The following CFAP100 variants were observed in gnomAD, a reference collection of about 807,000 sequenced individuals.
The protein encoded by CFAP100 is cilia- and flagella-associated protein 100.
CFAP100 carries 70 observed loss-of-function variants against 81.5 expected under a neutral mutation model. The ratio of observed to expected loss-of-function variants is 0.86; its 90% CI spans 0.71 to 1.05. The LOEUF is 1.05. Ranked by LOEUF, CFAP100 falls within the 50% of genes least tolerant of loss-of-function variation. The pLI is 0.00. For missense variants in CFAP100, 811 were observed against 776.5 expected (o/e 1.04, Z -0.53); for synonymous variants, 341 against 314.8 (o/e 1.08, Z -0.88).
chr3:126,430,819 T>A (rs1933188942), intron 13 of CFAP100, among the ~76,000 whole-genome samples: 1 of 152,130 alleles, frequency 6.6e-6, no homozygotes, highest in Admixed American at 6.5e-5. Context: ...TTTCCTGATT[T>A]TGTTTAGTTG....
At chr3:126,411,690 G>T (rs1396854791) in intron 3 of CFAP100, among the ~76,000 whole-genome samples, 1 of 151,932 alleles carries the variant, frequency 6.6e-6, no homozygotes, top group Non-Finnish European at 1.5e-5. Flanking sequence ...GGTTTTGTTT[G>T]TGCACATACA....
At chr3:126,397,663 C>T in intron 2 of CFAP100, among the ~76,000 whole-genome samples, 1 of 152,166 alleles carries the variant, frequency 6.6e-6, no homozygotes, top group South Asian at 2.1e-4. Flanking sequence ...GCACCCAGGG[C>T]CAGGGGTCTC....
At chr3:126,407,286 T>C (rs1424295245) in intron 3 of CFAP100, 34 bp downstream of exon 3, 2 of 1,512,322 alleles carry the variant, frequency 1.3e-6, no homozygotes, top group Admixed American at 3.4e-5. Context: ...AAGTCCAAGT[T>C]GGCAGGAGGC....
At chr3:126,404,951 G>A (rs1439908877) in intron 2 of CFAP100, among the ~76,000 whole-genome samples, 1 of 152,168 alleles carries the variant, frequency 6.6e-6, no homozygotes, top group African/African-American at 2.4e-5. Flanking sequence ...TTACAGGCGT[G>A]AGCCACCACG....
intron 13 of CFAP100, among the ~76,000 whole-genome samples, chr3:126,432,204 G>A (rs569504541): frequency 4.0e-4 from 61 of 150,698 alleles, no homozygotes; most frequent in South Asian, 1.1e-3. Flanking sequence ...GTGTGAACCC[G>A]GGAGGCGGAG....
intron 2 of CFAP100, among the ~76,000 whole-genome samples, chr3:126,402,041 G>T (rs766268930): frequency 1.3e-5 from 2 of 152,168 alleles, no homozygotes; most frequent in Non-Finnish European, 2.9e-5. Context: ...TGTGCTTGTT[G>T]CCGGTCCAGA....
chr3:126,396,867 T>A (rs918965692), intron 2 of CFAP100, among the ~76,000 whole-genome samples: 1 of 152,218 alleles, frequency 6.6e-6, no homozygotes, highest in Non-Finnish European at 1.5e-5. Context: ...AGCTTTTTTA[T>A]TGGAATTTAA....
intron 4 of CFAP100, 73 bp from the exon 5 acceptor site, chr3:126,416,243 G>C (rs2083236552): frequency 1.9e-6 from 2 of 1,036,744 alleles, no homozygotes; most frequent in Admixed American, 3.0e-5. Flanking sequence ...CCCTAGGAAT[G>C]GGGAACCGCG....
chr3:126,420,919 A>G (rs942614029), intron 11 of CFAP100: 4 of 152,176 alleles, frequency 2.6e-5, no homozygotes, highest in African/African-American at 9.7e-5. Context: ...ATGGTTACCT[A>G]TTGGTTCTCT....
Position 126,418,636 on chromosome 3 carries a change from A to T in CFAP100, c.512A>T (p.Glu171Val). 6.3e-7 allele frequency: 1 copy of T among 1,597,628 alleles called. No homozygotes were observed. The highest frequency in any genetic ancestry group is 1.3e-5 in the African/African-American group (1 of 74,294). The part of the protein sequence containing the change: ...LQYALDVKRR[E>V]IQRLETLATK... ...TATGCCCTGGATGTCAAGCGGAGAG[A>T]GATCCAGCGGCTGGAGACGCTGGCG... Residue 171 changes from glutamate to valine, a missense_variant, in exon 7 of 17, where the codon GAG (glutamate) becomes GTG (valine). Coordinates refer to ENST00000352312, the MANE Select transcript of CFAP100 (RefSeq NM_182628.3).
chr3:126,418,587 T>C, intron 6 of CFAP100, 24 bp from the exon 7 acceptor site: 3 of 1,612,536 alleles, frequency 1.9e-6, no homozygotes, highest in Non-Finnish European at 2.5e-6. Context: ...CCAGGCACCA[T>C]GACCCCACTC....
At chr3:126,418,053 C>A in intron 5 of CFAP100, 1 of 194,938 alleles carries the variant, frequency 5.1e-6, no homozygotes, top group Non-Finnish European at 1.0e-5. Flanking sequence ...GGCTTAGGTG[C>A]CCCAAGTAGC....
At position 126,418,719 on chromosome 3, in the gene CFAP100, T is replaced by A. The variant is rs1340200770; in HGVS notation, c.595T>A (p.Leu199Met). The change falls in exon 7 of 17, where the codon TTG becomes ATG. Residue 199 changes from leucine to methionine, a missense_variant. By Grantham distance (15) the Leu-to-Met change is conservative. Transcript: ENST00000352312. ...AEKSLEKDAA[L>M]FDEFVRENDC... is the part of the protein sequence containing the mutation. ...GAAATCCCTGGAGAAGGACGCCGCC[T>A]TGTTCGACGAGTTCGTCAGGGAGAA... 4.4e-6 allele frequency: 7 copies of A among 1,594,906 alleles called. No individual in the cohort carries two copies. The highest frequency in any genetic ancestry group is 1.3e-5 in the African/African-American group (1 of 74,388).
chr3:126,432,912 T>A, intron 13 of CFAP100, 157 bp from the exon 14 acceptor site: 1 of 607,888 alleles, frequency 1.6e-6, no homozygotes, highest in East Asian at 3.1e-5. Context: ...CTACCAGCAT[T>A]TCTGACCCCC....
chr3:126,419,040 GCCCCCATCCCTCCT>G, intron 7 of CFAP100, 22 bp from the exon 8 acceptor site: 1 of 801,214 alleles, frequency 1.2e-6, no homozygotes, highest in Non-Finnish European at 2.1e-6. Context: ...CTGGCCCCTT[GCCCCCATCCCTCCT>G]CCCCCGCCGC....
intron 2 of CFAP100, among the ~76,000 whole-genome samples, chr3:126,405,711 AG>A (rs2083052582): frequency 6.6e-6 from 1 of 152,192 alleles, no homozygotes; most frequent in South Asian, 2.1e-4. Flanking sequence ...CAAGAGCTTC[AG>A]GTGAGGCTAT....
chr3:126,400,716 C>T (rs541565010), intron 2 of CFAP100, among the ~76,000 whole-genome samples: 14 of 152,006 alleles, frequency 9.2e-5, no homozygotes, highest in East Asian at 5.8e-4. Flanking sequence ...TGCGCCACTG[C>T]ACTCCAGCCT....
At chr3:126,428,492 G>C (rs575265985) in intron 13 of CFAP100, among the ~76,000 whole-genome samples, 3 of 152,254 alleles carry the variant, frequency 2.0e-5, no homozygotes, top group East Asian at 3.9e-4. Flanking sequence ...AGTACCAAGA[G>C]GGAACCTGCA....
At chr3:126,411,248 G>A (rs1228787010) in intron 3 of CFAP100, among the ~76,000 whole-genome samples, 2 of 151,956 alleles carry the variant, frequency 1.3e-5, no homozygotes. Context: ...ACTTGATCAC[G>A]ATGAATTATC....
Sources: allele counts gnomAD v4.1 joint callset (sites outside exome capture counted in the v4.1 genomes callset), GRCh38; gene constraint gnomAD v4.1.1; transcripts MANE v1.5; gene names NCBI Gene and HGNC (gene_info 2026-07-23, HGNC 2026-07-21).